Variants in PPARG observed in about 807,000 individuals in gnomAD.
The protein encoded by PPARG is peroxisome proliferator activated receptor gamma, also known as peroxisome proliferator-activated receptor gamma.
A neutral mutation model predicts 39.2 loss-of-function variants in PPARG; 17 were observed. The ratio of observed to expected loss-of-function variants is 0.43; its 90% confidence interval spans 0.30 to 0.65. The LOEUF is 0.65. Ranked by LOEUF, PPARG falls within the 30% of genes least tolerant of loss-of-function variation. PPARG has a pLI of 0.13. For missense variants in PPARG, 406 were observed against 585.9 expected, an observed-to-expected ratio of 0.69 and a Z score of 3.17; for synonymous variants, 223 against 215.7, an observed-to-expected ratio of 1.03 and a Z score of -0.30.
intron 7 of PPARG, 24 bp downstream of exon 7, chr3:12,417,178 T>C: frequency 1.9e-6 from 3 of 1,609,280 alleles, no homozygotes; most frequent in Non-Finnish European, 2.5e-6. Context: ...TTTGATCTTC[T>C]ATGAAAGAGG....
At chr3:12,292,381 C>A (rs1357885379) in intron 1 of PPARG, among the ~76,000 whole-genome samples, 1 of 151,988 alleles carries the variant, frequency 6.6e-6, no homozygotes. Flanking sequence ...ACGTATATTC[C>A]CCAGGAGCAA....
intron 1 of PPARG, among the ~76,000 whole-genome samples, chr3:12,308,291 C>G (rs2124979428): frequency 7.5e-6 from 1 of 133,494 alleles, no homozygotes; most frequent in East Asian, 2.2e-4. Context: ...CTACAGTGAA[C>G]CATGATCACA....
At chr3:12,411,037 G>C (rs1002872327) in intron 6 of PPARG, among the ~76,000 whole-genome samples, 1 of 152,134 alleles carries the variant, frequency 6.6e-6, no homozygotes, top group African/African-American at 2.4e-5. Flanking sequence ...GAGAAGTTAG[G>C]CTTCTGGGAT....
chr3:12,291,729 T>A (rs1249306197), intron 1 of PPARG, among the ~76,000 whole-genome samples: 6 of 152,224 alleles, frequency 3.9e-5, no homozygotes, highest in Non-Finnish European at 7.4e-5. Context: ...TACATATTTT[T>A]AAAATTTCTC....
chr3:12,319,175 C>T (rs2047471112), intron 2 of PPARG, among the ~76,000 whole-genome samples: 1 of 152,174 alleles, frequency 6.6e-6, no homozygotes, highest in Admixed American at 6.5e-5. Context: ...TTTAAGATTT[C>T]AGTTTTGTCT....
chr3:12,299,382 G>A (rs1033297980), intron 1 of PPARG, among the ~76,000 whole-genome samples: 1 of 152,230 alleles, frequency 6.6e-6, no homozygotes, highest in South Asian at 2.1e-4. Flanking sequence ...GACTCAGGGG[G>A]CTCTCTCTGA....
chr3:12,360,551 T>C (rs556534880), intron 2 of PPARG, among the ~76,000 whole-genome samples: 2 of 139,612 alleles, frequency 1.4e-5, no homozygotes, highest in East Asian at 4.4e-4. Context: ...CAAGTGAACA[T>C]ACTTGCGAAA....
chr3:12,385,975 C>G (rs1349646097), intron 4 of PPARG, among the ~76,000 whole-genome samples: 1 of 152,130 alleles, frequency 6.6e-6, no homozygotes, highest in African/African-American at 2.4e-5. Context: ...TTGTCTGTTA[C>G]TTTCTAGCAG....
chr3:12,381,895 G>T (rs2049677550), intron 4 of PPARG, among the ~76,000 whole-genome samples: 1 of 152,106 alleles, frequency 6.6e-6, no homozygotes, highest in South Asian at 2.1e-4. Context: ...CCAGGATGCA[G>T]ATTTCCTGCA....
At position 12,319,134 on chromosome 3, in the gene PPARG, C is replaced by T. The variant is rs139185971; in HGVS notation, c.-9+6681C>T. Among the ~76,000 whole-genome samples the T allele has an allele frequency of 1.2e-4, 18 of 152,288 alleles. No individual in the cohort carries two copies. In the East Asian group the frequency reaches 3.3e-3, roughly 28 times the overall value. On this transcript the variant is annotated intron_variant, in intron 2 of 7. Transcript: ENST00000651735. ...TTAACAAGCCACATGGCTTTCCTCT[C>T]AAGCCCAAGGAATACATAGTGTGCT... is the stretch of plus-strand genomic sequence containing the variant.
intron 7 of PPARG, among the ~76,000 whole-genome samples, chr3:12,418,428 G>A (rs1026929626): frequency 3.9e-5 from 6 of 152,154 alleles, no homozygotes; most frequent in East Asian, 1.9e-4. Context: ...AAAACCCGTC[G>A]GGGGATAGTG....
rs552282661 is a variant in PPARG at position 12,302,224 on chromosome 3, C to T, written c.-82-10156C>T. Among the ~76,000 whole-genome samples, 8 of 151,746 alleles carry T rather than the reference C, an allele frequency of 5.3e-5. No homozygotes were observed. In the South Asian group the frequency reaches 1.5e-3, roughly 28 times the overall value. ...CTCAGGGATTGACAGGATAGCCTCA[C>T]GAAAAATACTAAAAACAATACAGAA... On this transcript the variant is annotated intron_variant, in intron 1 of 7. Transcript: ENST00000651735.
At chr3:12,397,655 C>G (rs1035308005) in intron 5 of PPARG, among the ~76,000 whole-genome samples, 1 of 151,954 alleles carries the variant, frequency 6.6e-6, no homozygotes, top group Non-Finnish European at 1.5e-5. Flanking sequence ...CATGATCTGC[C>G]CACCTCAGCC....
chr3:12,334,513 G>A (rs1052788009), intron 2 of PPARG, among the ~76,000 whole-genome samples: 3 of 152,074 alleles, frequency 2.0e-5, no homozygotes, highest in African/African-American at 7.2e-5. Context: ...TTACAGGTGT[G>A]GAAGCCACCG....
chr3:12,346,645 T>G (rs1438528217), intron 2 of PPARG, among the ~76,000 whole-genome samples: 1 of 151,694 alleles, frequency 6.6e-6, no homozygotes, highest in Non-Finnish European at 1.5e-5. Flanking sequence ...ATTGGCTTCT[T>G]TTTTTTTAAG....
chr3:12,362,028 CT>C (rs2048862339), intron 2 of PPARG, among the ~76,000 whole-genome samples: 1 of 151,834 alleles, frequency 6.6e-6, no homozygotes, highest in Non-Finnish European at 1.5e-5. Flanking sequence ...TTATGGAGAT[CT>C]TACACATATT....
chr3:12,382,021 A>T (rs970519874), intron 4 of PPARG, among the ~76,000 whole-genome samples: 5 of 152,306 alleles, frequency 3.3e-5, no homozygotes, highest in Admixed American at 2.0e-4. Flanking sequence ...TCCCTAGAGC[A>T]ATCCTATAAG....
In PPARG at chr3:12,339,221, T is replaced by A. The variant is rs112496962; in HGVS notation, c.-9+26768T>A. ...CAAACACATGAGACCATATATCATA[T>A]GATTCCATTTATCTGAAATGTCTAA... On this transcript the variant is annotated intron_variant, in intron 2 of 7. Coordinates refer to ENST00000651735, the MANE Select transcript of PPARG (RefSeq NM_138711.6). Among the ~76,000 whole-genome samples, 435 of 152,308 alleles carry A rather than the reference T, an allele frequency of 2.9e-3. 2 individuals are homozygous for A. Among genetic ancestry groups the A allele is most frequent in the Non-Finnish European group, 4.1e-3 (281 of 68,032 alleles).
chr3:12,380,527 A>C (rs958905785), intron 3 of PPARG, among the ~76,000 whole-genome samples: 2 of 152,212 alleles, frequency 1.3e-5, no homozygotes, highest in Non-Finnish European at 2.9e-5. Context: ...TATTTCTGTG[A>C]TGCTATTTCC....
Sources: gnomAD v4.1 joint callset for allele counts (sites outside exome capture counted in the v4.1 genomes callset) on GRCh38, gnomAD v4.1.1 for gene constraint, MANE v1.5 for transcripts, NCBI Gene and HGNC (gene_info 2026-07-23, HGNC 2026-07-21) for gene names.